Variants in KCND2 observed in about 807,000 individuals in gnomAD.
KCND2 encodes the protein A-type voltage-gated potassium channel KCND2.
In KCND2, 16 loss-of-function variants were observed where a neutral mutation model predicts 54.4. The observed-to-expected ratio is 0.29, with a 90% CI of 0.20 to 0.45. The LOEUF (loss-of-function observed/expected upper bound fraction) is 0.45. Among genes scored for constraint, KCND2 ranks in the 20% least tolerant of loss-of-function variants. The pLI is 1.00. For missense variants in KCND2, 486 were observed against 824.2 expected, an observed-to-expected ratio of 0.59 and a Z score of 5.02; for synonymous variants, 317 against 310.7, an observed-to-expected ratio of 1.02 and a Z score of -0.21.
At chr7:120,349,156 A>C (rs150669994) in intron 1 of KCND2, among the ~76,000 whole-genome samples, 61 of 152,234 alleles carry the variant, frequency 4.0e-4, no homozygotes, top group African/African-American at 1.4e-3. Context: ...TTCTACAAAG[A>C]AATTAACTTT....
At chr7:120,419,108 A>G (rs547674945) in intron 1 of KCND2, among the ~76,000 whole-genome samples, 6 of 152,284 alleles carry the variant, frequency 3.9e-5, no homozygotes, top group African/African-American at 1.4e-4. Flanking sequence ...CTCTGCATTT[A>G]TATTTTCTTC....
intron 1 of KCND2, among the ~76,000 whole-genome samples, chr7:120,365,828 A>T (rs1337032896): frequency 1.3e-5 from 2 of 152,170 alleles, no homozygotes; most frequent in Non-Finnish European, 2.9e-5. Context: ...TCTATAAGTA[A>T]GTGAAATGGA....
At chr7:120,585,397 A>T (rs1311794540) in intron 1 of KCND2, among the ~76,000 whole-genome samples, 1 of 152,152 alleles carries the variant, frequency 6.6e-6, no homozygotes, top group African/African-American at 2.4e-5. Flanking sequence ...TCTGATTTGA[A>T]ATTCTTTAAG....
chr7:120,375,347 A>G (rs573147503), intron 1 of KCND2, among the ~76,000 whole-genome samples: 2 of 151,998 alleles, frequency 1.3e-5, no homozygotes, highest in South Asian at 4.1e-4. Flanking sequence ...GCCACTTCTA[A>G]TCAAGATACA....
intron 1 of KCND2, among the ~76,000 whole-genome samples, chr7:120,417,316 C>G (rs1668044967): frequency 6.6e-6 from 1 of 152,188 alleles, no homozygotes; most frequent in African/African-American, 2.4e-5. Flanking sequence ...TTCAAAGAGA[C>G]TTATACAGAA....
chr7:120,417,243 A>G (rs1400928899), intron 1 of KCND2, among the ~76,000 whole-genome samples: 3 of 152,232 alleles, frequency 2.0e-5, no homozygotes, highest in Non-Finnish European at 4.4e-5. Context: ...TCCTAACTCT[A>G]TGTTATCACA....
At chr7:120,457,012 A>T (rs1470159161) in intron 1 of KCND2, among the ~76,000 whole-genome samples, 1 of 152,240 alleles carries the variant, frequency 6.6e-6, no homozygotes. Flanking sequence ...CACCATGTGG[A>T]AACTTCCAAA....
chr7:120,619,729 C>T (rs1328425418), intron 1 of KCND2, among the ~76,000 whole-genome samples: 1 of 152,144 alleles, frequency 6.6e-6, no homozygotes, highest in Non-Finnish European at 1.5e-5. Flanking sequence ...GTAACAATGG[C>T]AACGGAAATG....
rs187091605 is a variant in KCND2, at chr7:120,601,794, A to G, written c.1116-131109A>G. 1.4e-4 allele frequency among the ~76,000 whole-genome samples: 22 copies of G among 152,284 alleles called. No individual in the cohort carries two copies. The East Asian group carries it at 4.0e-3, about 28-fold the overall frequency. On this transcript the variant is annotated intron_variant, in intron 1 of 5. Transcript: ENST00000331113. ...AATTTGAAATTTAGTTGAAATTGTCAACTAAAAGCATAAAACTCTCTACCC... is the reference window on the plus strand; with the variant it reads ...AATTTGAAATTTAGTTGAAATTGTCGACTAAAAGCATAAAACTCTCTACCC...
At chr7:120,531,521 T>C (rs1479146966) in intron 1 of KCND2, among the ~76,000 whole-genome samples, 1 of 152,088 alleles carries the variant, frequency 6.6e-6, no homozygotes, top group Non-Finnish European at 1.5e-5. Context: ...AAAGACCTCC[T>C]CAAATATTCT....
intron 1 of KCND2, among the ~76,000 whole-genome samples, chr7:120,519,545 TTC>T (rs1170249593): frequency 3.3e-5 from 5 of 152,102 alleles, no homozygotes; most frequent in South Asian, 2.1e-4. Flanking sequence ...ACACCTTGGT[TTC>T]AGCTTTATGA....
At chr7:120,435,487 T>C (rs1801853061) in intron 1 of KCND2, among the ~76,000 whole-genome samples, 1 of 152,032 alleles carries the variant, frequency 6.6e-6, no homozygotes, top group Non-Finnish European at 1.5e-5. Context: ...GCCATTTTTT[T>C]TTAACATTTA....
intron 1 of KCND2, among the ~76,000 whole-genome samples, chr7:120,469,884 G>T (rs1802429166): frequency 6.6e-6 from 1 of 152,084 alleles, no homozygotes; most frequent in Non-Finnish European, 1.5e-5. Context: ...GGTTCATAAA[G>T]AACATTGAAA....
intron 1 of KCND2, among the ~76,000 whole-genome samples, chr7:120,690,989 A>G (rs1035673963): frequency 2.6e-5 from 4 of 152,206 alleles, no homozygotes; most frequent in African/African-American, 9.7e-5. Context: ...CTACACCAAG[A>G]AGATGACATT....
In KCND2 at chr7:120,690,433, G is replaced by A. The variant is rs560114863; in HGVS notation, c.1116-42470G>A. On this transcript the variant is annotated intron_variant, in intron 1 of 5. Coordinates refer to ENST00000331113, the MANE Select transcript of KCND2 (RefSeq NM_012281.3). ...TAATTATTTCCAAATATCACCAAAC[G>A]AGTGGCATCAGGGCAGAGAGGAGAA... Among the ~76,000 whole-genome samples, 48 of 152,240 alleles carry A rather than the reference G, an allele frequency of 3.2e-4. 1 individual carries two copies. In the Middle Eastern group the frequency reaches 0.014, roughly 43 times the overall value.
chr7:120,554,399 C>CT (rs1010054995), intron 1 of KCND2, among the ~76,000 whole-genome samples: 109 of 147,228 alleles, frequency 7.4e-4, no homozygotes, highest in Middle Eastern at 7.0e-3. Context: ...TGAGAATTTA[C>CT]TTTTTTTTTT....
intron 1 of KCND2, among the ~76,000 whole-genome samples, chr7:120,691,237 A>G (rs1792265009): frequency 6.6e-6 from 1 of 152,208 alleles, no homozygotes; most frequent in Admixed American, 6.5e-5. Context: ...CAGCTATACA[A>G]TATTTCTAAC....
chr7:120,440,271 G>A (rs1029180578), intron 1 of KCND2, among the ~76,000 whole-genome samples: 2 of 151,798 alleles, frequency 1.3e-5, no homozygotes, highest in African/African-American at 2.4e-5. Flanking sequence ...ATATCTGTTG[G>A]CCATTTGTAT....
At chr7:120,713,175 T>C (rs762201918) in intron 1 of KCND2, among the ~76,000 whole-genome samples, 1 of 152,152 alleles carries the variant, frequency 6.6e-6, no homozygotes, top group Non-Finnish European at 1.5e-5. Flanking sequence ...ATTTATTGTT[T>C]AGCCAAGGAG....
Sources: gnomAD v4.1 joint callset for allele counts (sites outside exome capture counted in the v4.1 genomes callset) on GRCh38, gnomAD v4.1.1 for gene constraint, MANE v1.5 for transcripts, NCBI Gene and HGNC (gene_info 2026-07-23, HGNC 2026-07-21) for gene names.